The following MSH3 variants were observed in gnomAD, a reference collection of about 807,000 sequenced individuals.
The protein encoded by MSH3 is DNA mismatch repair protein Msh3.
In MSH3, 106 loss-of-function variants were observed where a neutral mutation model predicts 123.3. The observed-to-expected ratio is 0.86, with a 90% CI of 0.73 to 1.01. The LOEUF (loss-of-function observed/expected upper bound fraction) is 1.01, where lower values mean the gene tolerates loss of function less well. MSH3 is among the 50% of genes least tolerant of loss of function. MSH3 has a pLI of 0.00. For missense variants in MSH3, 1,459 were observed against 1,347.6 expected, an observed-to-expected ratio of 1.08 and a Z score of -1.29; for synonymous variants, 515 against 481.4, an observed-to-expected ratio of 1.07 and a Z score of -0.91.
chr5:80,842,910 T>G (rs1745652523), intron 20 of MSH3, among the ~76,000 whole-genome samples: 1 of 152,292 alleles, frequency 6.6e-6, no homozygotes, highest in South Asian at 2.1e-4. Flanking sequence ...TTCTCTTGCC[T>G]GATTGCCCTA....
chr5:80,780,248 A>G (rs1388482712), intron 17 of MSH3, among the ~76,000 whole-genome samples: 1 of 152,226 alleles, frequency 6.6e-6, no homozygotes, highest in Non-Finnish European at 1.5e-5. Context: ...GCTGATGTCA[A>G]GCTACCACTG....
intron 20 of MSH3, among the ~76,000 whole-genome samples, chr5:80,849,105 C>T (rs1003759169): frequency 2.0e-5 from 3 of 152,290 alleles, no homozygotes; most frequent in South Asian, 2.1e-4. Flanking sequence ...TGAAATTCAG[C>T]GGGGAAGTCA....
At chr5:80,780,771 T>C (rs1034249614) in intron 17 of MSH3, among the ~76,000 whole-genome samples, 20 of 152,130 alleles carry the variant, frequency 1.3e-4, no homozygotes, top group African/African-American at 4.8e-4. Context: ...AGTAAGCTAA[T>C]GCACGAGAAT....
intron 21 of MSH3, among the ~76,000 whole-genome samples, chr5:80,861,320 A>G (rs916905398): frequency 7.2e-5 from 11 of 152,166 alleles, no homozygotes; most frequent in African/African-American, 2.2e-4. Context: ...GAGGAGTCCT[A>G]TGATTAAGTC....
At chr5:80,686,967 C>T (rs1166826030) in intron 8 of MSH3, among the ~76,000 whole-genome samples, 1 of 152,096 alleles carries the variant, frequency 6.6e-6, no homozygotes, top group Admixed American at 6.5e-5. Flanking sequence ...CACAAGAGGT[C>T]TCCAAAGGAT....
intron 2 of MSH3, among the ~76,000 whole-genome samples, chr5:80,657,307 G>C (rs1299813979): frequency 1.3e-5 from 2 of 152,158 alleles, no homozygotes; most frequent in East Asian, 3.8e-4. Context: ...TGGGCGTGCT[G>C]GTAGTTGCCT....
intron 20 of MSH3, among the ~76,000 whole-genome samples, chr5:80,845,794 C>A (rs1439875007): frequency 1.3e-5 from 2 of 152,238 alleles, no homozygotes; most frequent in East Asian, 1.9e-4. Flanking sequence ...TTCTAGTTAG[C>A]CATTCATCTA....
In MSH3 at chr5:80,672,356, A is replaced by G. The variant is rs1675425192; in HGVS notation, c.905A>G (p.Tyr302Cys). The G allele has an allele frequency of 3.7e-6, 6 of 1,608,620 alleles. No individual in the cohort carries two copies. The highest frequency in any genetic ancestry group is 2.2e-5 in the East Asian group (1 of 44,834). ...GTACGCCGCCTGGTGGCAAAAGGATATAAGGTCAGCTTTGGCTTTAACTTG... is the reference window on the plus strand; with the variant it reads ...GTACGCCGCCTGGTGGCAAAAGGATGTAAGGTCAGCTTTGGCTTTAACTTG... ...VHVRRLVAKG[Y>C]KVGVVKQTET... Residue 302 changes from tyrosine (Y) to cysteine (C), a missense_variant, in exon 5 of 24, where the codon TAT (tyrosine) becomes TGT (cysteine). Coordinates refer to ENST00000265081, the MANE Select transcript of MSH3 (RefSeq NM_002439.5).
At chr5:80,684,915 A>T (rs192460468) in intron 8 of MSH3, among the ~76,000 whole-genome samples, 1 of 152,174 alleles carries the variant, frequency 6.6e-6, no homozygotes, top group Admixed American at 6.5e-5. Flanking sequence ...ATCAAATGAA[A>T]TGATTATGTG....
At chr5:80,680,257 T>A (rs977556547) in intron 8 of MSH3, among the ~76,000 whole-genome samples, 20 of 150,716 alleles carry the variant, frequency 1.3e-4, no homozygotes, top group Non-Finnish European at 5.9e-5. Flanking sequence ...AAGACTCTTA[T>A]CTCAAAAAAA....
chr5:80,698,940 T>TA (rs1750546341), intron 8 of MSH3, among the ~76,000 whole-genome samples: 1 of 152,094 alleles, frequency 6.6e-6, no homozygotes, highest in Non-Finnish European at 1.5e-5. Context: ...CCCTAGAACT[T>TA]AAAGTATAAT....
In MSH3 at chr5:80,678,935, G is replaced by A. The variant is rs1292929249; in HGVS notation, c.1182G>A (p.Gln394=). The A allele has an allele frequency of 1.2e-6, 2 of 1,614,008 alleles. No homozygotes were observed. Among genetic ancestry groups the A allele is most frequent in the African/African-American group, 2.7e-5 (2 of 74,926 alleles). Residue 394 remains glutamine, a synonymous_variant, in exon 8 of 24, where the codon CAG becomes CAA. Coordinates refer to ENST00000265081, the MANE Select transcript of MSH3 (RefSeq NM_002439.5). ...GNIFIGIVGV[Q]PATGEVVFDS... ...TTTGTATTTGTTTTTAGGGAGTGCAGCCTGCCACAGGCGAGGTTGTGTTTG... is the reference window on the plus strand; with the variant it reads ...TTTGTATTTGTTTTTAGGGAGTGCAACCTGCCACAGGCGAGGTTGTGTTTG...
intron 19 of MSH3, among the ~76,000 whole-genome samples, chr5:80,809,773 G>C (rs1221289270): frequency 6.6e-6 from 1 of 152,060 alleles, no homozygotes; most frequent in Non-Finnish European, 1.5e-5. Flanking sequence ...TGTATGTAAT[G>C]TTCTGAAGTC....
intron 8 of MSH3, among the ~76,000 whole-genome samples, chr5:80,711,811 T>C (rs1750864504): frequency 6.6e-6 from 1 of 151,832 alleles, no homozygotes; most frequent in African/African-American, 2.4e-5. Flanking sequence ...TGCACCACCA[T>C]ACCCAGCTAT....
chr5:80,867,649 C>T (rs1746129254), intron 22 of MSH3, among the ~76,000 whole-genome samples: 1 of 152,134 alleles, frequency 6.6e-6, no homozygotes, highest in African/African-American at 2.4e-5. Flanking sequence ...CTACTAATAT[C>T]AACTAAAGGA....
At chr5:80,816,615 G>A in intron 20 of MSH3, among the ~76,000 whole-genome samples, 1 of 152,194 alleles carries the variant, frequency 6.6e-6, no homozygotes, top group East Asian at 1.9e-4. Flanking sequence ...AAACCAAGTA[G>A]ATCAGAGGAA....
At chr5:80,832,320 A>C (rs1463241788) in intron 20 of MSH3, among the ~76,000 whole-genome samples, 1 of 152,088 alleles carries the variant, frequency 6.6e-6, no homozygotes, top group Non-Finnish European at 1.5e-5. Flanking sequence ...GTTTCTGATG[A>C]AAAAGTTCTG....
intron 18 of MSH3, among the ~76,000 whole-genome samples, chr5:80,788,152 G>C (rs559185828): frequency 9.2e-5 from 14 of 152,132 alleles, no homozygotes; most frequent in Non-Finnish European, 1.9e-4. Flanking sequence ...TTAAAATTCA[G>C]ATGGCTGGGC....
chr5:80,795,076 A>G (rs974398827), intron 19 of MSH3, among the ~76,000 whole-genome samples: 3 of 152,198 alleles, frequency 2.0e-5, no homozygotes, highest in African/African-American at 7.2e-5. Context: ...GTAGGGGAGC[A>G]TTTGGAATGT....
Sources: allele counts gnomAD v4.1 joint callset (sites outside exome capture counted in the v4.1 genomes callset), GRCh38; gene constraint gnomAD v4.1.1; transcripts MANE v1.5; gene names NCBI Gene and HGNC (gene_info 2026-07-23, HGNC 2026-07-21).